Variants in STAU2 observed in about 807,000 individuals in gnomAD.
STAU2 encodes the protein double-stranded RNA-binding protein Staufen homolog 2.
A neutral mutation model predicts 65.9 loss-of-function variants in STAU2; 20 were observed. The observed-to-expected ratio is 0.30, with a 90% CI of 0.21 to 0.44. The LOEUF (loss-of-function observed/expected upper bound fraction) is 0.44. Among genes scored for constraint, STAU2 ranks in the 20% least tolerant of loss-of-function variants. The pLI, the probability that STAU2 is intolerant of heterozygous loss-of-function variation, is 1.00. For missense variants in STAU2, 558 were observed against 683.9 expected (o/e 0.82, Z 2.05); for synonymous variants, 232 against 233.9 (o/e 0.99, Z 0.07).
intron 13 of STAU2, among the ~76,000 whole-genome samples, chr8:73,512,916 T>C (rs568261367): frequency 1.3e-5 from 2 of 152,344 alleles, no homozygotes; most frequent in South Asian, 2.1e-4. Flanking sequence ...TGTTGAACCA[T>C]TGTTGTTATA....
chr8:73,437,673 G>A (rs1349237875), intron 13 of STAU2, among the ~76,000 whole-genome samples: 1 of 152,198 alleles, frequency 6.6e-6, no homozygotes, highest in African/African-American at 2.4e-5. Context: ...AAGTCACACT[G>A]AGGTGTAAGG....
In STAU2 at chr8:73,649,869, TTATATATATATATATATATA is replaced by T. The variant is rs55814743; in HGVS notation, c.410+23218_410+23237del. ...TAGTATATATGTCTTCTATATAATT[TTATATATATATATATATATA>T]TATATATATATATATATATGGTGCA... On this transcript the variant is annotated intron_variant, in intron 6 of 14. Transcript: ENST00000524300. Among the ~76,000 whole-genome samples the T allele has an allele frequency of 3.6e-4, 26 of 71,628 alleles. No individual in the cohort carries two copies. In the East Asian group the frequency reaches 5.1e-3, roughly 14 times the overall value. 47.0% of individuals were successfully genotyped at this position (71,628 alleles called of 152,430 possible). A position where few individuals can be genotyped will look rare whatever the true frequency, so the allele number is the denominator to read the frequency against.
chr8:73,536,039 T>C (rs935487652), intron 13 of STAU2, among the ~76,000 whole-genome samples: 4 of 152,212 alleles, frequency 2.6e-5, no homozygotes, highest in Admixed American at 6.5e-5. Context: ...AAATGTATAA[T>C]ATATACTTGA....
At position 73,548,533 on chromosome 8, in the gene STAU2, T is replaced by C. The variant is rs369657825; in HGVS notation, c.1530+3479A>G. Among the ~76,000 whole-genome samples, 99 of 152,328 alleles carry C rather than the reference T, an allele frequency of 6.5e-4. No homozygotes were observed. The South Asian group carries it at 0.019, about 30-fold the overall frequency. The stretch of plus-strand genomic sequence containing the variant: ...AAAAGGAGGCATATGAGTTGAAATG[T>C]ATTCAGCGTGAATTATATTTGAAAA... On this transcript the variant is annotated intron_variant, in intron 13 of 14. Transcript: ENST00000524300.
intron 4 of STAU2, chr8:73,697,365 T>C (rs1819757470): frequency 6.6e-6 from 1 of 152,172 alleles, no homozygotes; most frequent in Non-Finnish European, 1.5e-5. Flanking sequence ...ATAAAGTCTT[T>C]CCCAGACAAA....
chr8:73,427,813 G>C (rs532575684), intron 13 of STAU2, among the ~76,000 whole-genome samples: 1 of 152,186 alleles, frequency 6.6e-6, no homozygotes, highest in Non-Finnish European at 1.5e-5. Context: ...ATATTCAACA[G>C]TTTTAACAAA....
intron 9 of STAU2, among the ~76,000 whole-genome samples, chr8:73,612,784 T>C (rs1260981576): frequency 6.6e-6 from 1 of 152,234 alleles, no homozygotes; most frequent in Non-Finnish European, 1.5e-5. Context: ...ATATTTCTTA[T>C]CTGTAATCCT....
At chr8:73,430,935 A>C (rs1817222507) in intron 13 of STAU2, among the ~76,000 whole-genome samples, 1 of 152,228 alleles carries the variant, frequency 6.6e-6, no homozygotes, top group East Asian at 1.9e-4. Context: ...CAAGCTCTAA[A>C]CTTTGTATTT....
chr8:73,510,808 T>G (rs1207298118), intron 13 of STAU2, among the ~76,000 whole-genome samples: 1 of 152,230 alleles, frequency 6.6e-6, no homozygotes, highest in Non-Finnish European at 1.5e-5. Flanking sequence ...TATTTCCACC[T>G]GGTCCCTCCC....
intron 3 of STAU2, among the ~76,000 whole-genome samples, chr8:73,721,134 A>G (rs914615334): frequency 1.3e-5 from 2 of 150,112 alleles, no homozygotes; most frequent in East Asian, 3.9e-4. Flanking sequence ...AAAAAAAAAA[A>G]AGAATATTAG....
chr8:73,709,316 T>C (rs559883680), intron 3 of STAU2, 154 bp from the exon 4 acceptor site: 4 of 668,044 alleles, frequency 6.0e-6, no homozygotes, highest in African/African-American at 1.8e-5. Flanking sequence ...TTCCATTACA[T>C]GCAACAGAAA....
intron 14 of STAU2, among the ~76,000 whole-genome samples, chr8:73,422,197 C>A (rs952474671): frequency 6.6e-6 from 1 of 152,152 alleles, no homozygotes; most frequent in African/African-American, 2.4e-5. Context: ...AGGGGCGCCT[C>A]CTCTCAACTT....
At chr8:73,643,962 G>C (rs1815176292) in intron 6 of STAU2, among the ~76,000 whole-genome samples, 1 of 152,152 alleles carries the variant, frequency 6.6e-6, no homozygotes, top group Admixed American at 6.5e-5. Context: ...GGTTTGTATG[G>C]ACTTGTCCTA....
At chr8:73,565,139 T>C (rs761018718) in intron 12 of STAU2, among the ~76,000 whole-genome samples, 2 of 152,218 alleles carry the variant, frequency 1.3e-5, no homozygotes, top group Non-Finnish European at 2.9e-5. Context: ...GGTTTGGCTC[T>C]GAGTCTGCAC....
chr8:73,708,972 T>G, intron 4 of STAU2, 60 bp downstream of exon 4: 18 of 1,404,134 alleles, frequency 1.3e-5, no homozygotes, highest in Non-Finnish European at 1.5e-5. Flanking sequence ...GATTAAAATC[T>G]GAGATGATAA....
intron 5 of STAU2, among the ~76,000 whole-genome samples, chr8:73,685,084 T>G (rs1818700294): frequency 6.6e-6 from 1 of 152,166 alleles, no homozygotes; most frequent in Non-Finnish European, 1.5e-5. Context: ...TTGTAAGGGT[T>G]TGGCAAGTTC....
chr8:73,637,464 A>T (rs1427540445), intron 6 of STAU2, among the ~76,000 whole-genome samples: 34 of 129,300 alleles, frequency 2.6e-4, no homozygotes, highest in African/African-American at 1.0e-3. Context: ...AAGTCTTTAT[A>T]AAGTGCTGAA....
Position 73,443,297 on chromosome 8 carries a change from G to A in STAU2, c.1531-20595C>T, listed in dbSNP as rs566573342. The stretch of plus-strand genomic sequence containing the variant: ...AGAAGAATTTGCTGGAAGTCGGAGG[G>A]AGAAGCGGTTTCTAAAAGCAATAAG... On this transcript the variant is annotated intron_variant, in intron 13 of 14. Coordinates refer to ENST00000524300, the MANE Select transcript of STAU2 (RefSeq NM_001164380.2). 1.9e-3 allele frequency among the ~76,000 whole-genome samples: 289 copies of A among 152,306 alleles called. 2 individuals carry two copies. The highest frequency in any genetic ancestry group is 6.8e-3 in the Middle Eastern group (2 of 294).
At chr8:73,582,051 T>C (rs1303252545) in intron 12 of STAU2, among the ~76,000 whole-genome samples, 2 of 152,190 alleles carry the variant, frequency 1.3e-5, no homozygotes, top group Admixed American at 6.5e-5. Context: ...TTCAGTGAAA[T>C]AGATACTTTT....
Sources: allele counts gnomAD v4.1 joint callset (sites outside exome capture counted in the v4.1 genomes callset), GRCh38; gene constraint gnomAD v4.1.1; transcripts MANE v1.5; gene names NCBI Gene and HGNC (gene_info 2026-07-23, HGNC 2026-07-21).